OR9Q1: variants seen among roughly 807,000 people sequenced by gnomAD.
The protein encoded by OR9Q1 is olfactory receptor 9Q1.
For synonymous variants in OR9Q1, 153 were observed against 148.6 expected (o/e 1.03, Z -0.22); for missense variants, 374 against 378.8 (o/e 0.99, Z 0.11).
chr11:58,078,894 C>T (rs1451785695), intron 2 of OR9Q1, among the ~76,000 whole-genome samples: 1 of 152,160 alleles, frequency 6.6e-6, no homozygotes, highest in Admixed American at 6.6e-5. Flanking sequence ...CTGAGAATCT[C>T]AGAATTGGAA....
chr11:58,109,099 G>A (rs1853871782), intron 2 of OR9Q1: 1 of 491,834 alleles, frequency 2.0e-6, no homozygotes, highest in Non-Finnish European at 4.1e-6. Flanking sequence ...GCTGCTGCAG[G>A]CGAGCTTCAG....
chr11:58,092,107 G>A (rs1035313860), intron 2 of OR9Q1, among the ~76,000 whole-genome samples: 1 of 152,030 alleles, frequency 6.6e-6, no homozygotes, highest in East Asian at 1.9e-4. Context: ...CAATTTGCCA[G>A]TCTGTGTCTC....
intron 2 of OR9Q1, among the ~76,000 whole-genome samples, chr11:58,138,584 T>C (rs1200955604): frequency 6.6e-6 from 1 of 152,220 alleles, no homozygotes; most frequent in Admixed American, 6.5e-5. Context: ...TTAAATTGTA[T>C]TTTTTCTTCT....
chr11:58,093,722 T>C (rs1853704989), intron 2 of OR9Q1, among the ~76,000 whole-genome samples: 1 of 129,072 alleles, frequency 7.7e-6, no homozygotes, highest in South Asian at 2.4e-4. Context: ...ATCACACCAT[T>C]GCACTCCAGC....
At chr11:58,150,155 C>T (rs1255194497) in intron 2 of OR9Q1, among the ~76,000 whole-genome samples, 1 of 152,116 alleles carries the variant, frequency 6.6e-6, no homozygotes, top group African/African-American at 2.4e-5. Flanking sequence ...AATAGCTATT[C>T]TAATGGGTAT....
At chr11:58,036,321 C>T (rs1284055089) in intron 1 of OR9Q1, among the ~76,000 whole-genome samples, 1 of 152,158 alleles carries the variant, frequency 6.6e-6, no homozygotes, top group African/African-American at 2.4e-5. Flanking sequence ...AATAGTTCTT[C>T]CAAAATATTA....
chr11:58,139,911 G>T (rs1352202226), intron 2 of OR9Q1, among the ~76,000 whole-genome samples: 1 of 151,786 alleles, frequency 6.6e-6, no homozygotes, highest in Admixed American at 6.6e-5. Context: ...CAGTGTAAAA[G>T]TGTTCCTATT....
At chr11:58,178,904 A>ATATT (rs1565098190) in intron 2 of OR9Q1, among the ~76,000 whole-genome samples, 3 of 137,794 alleles carry the variant, frequency 2.2e-5, no homozygotes, top group Non-Finnish European at 4.6e-5. Context: ...TTTATATATT[A>ATATT]TATATATTAT....
At chr11:58,132,498 T>C (rs1854150706) in intron 2 of OR9Q1, among the ~76,000 whole-genome samples, 1 of 152,212 alleles carries the variant, frequency 6.6e-6, no homozygotes, top group African/African-American at 2.4e-5. Context: ...TAAACAGAGA[T>C]AGAAAAAATA....
At chr11:58,135,735 C>G (rs947089838) in intron 2 of OR9Q1, among the ~76,000 whole-genome samples, 1 of 152,180 alleles carries the variant, frequency 6.6e-6, no homozygotes, top group Admixed American at 6.5e-5. Flanking sequence ...TTATGACTCC[C>G]CATTTTTAAA....
Position 58,118,488 on chromosome 11 carries a change from T to C in OR9Q1, c.-14-60943T>C, listed in dbSNP as rs1439441914. 2.6e-6 allele frequency: 4 copies of C among 1,541,248 alleles called. No individual in the cohort carries two copies. In the Admixed American group the frequency reaches 5.9e-5, roughly 23 times the overall value. ...GAAAGTGGACTAAAACAAGAATTCCTCTTACTTAGATCTACATGCTCAGGG... is the reference window on the plus strand; with the variant it reads ...GAAAGTGGACTAAAACAAGAATTCCCCTTACTTAGATCTACATGCTCAGGG... On this transcript the variant is annotated intron_variant, in intron 2 of 2. Transcript: ENST00000335397.
At chr11:58,105,709 T>C (rs1853833392) in intron 2 of OR9Q1, among the ~76,000 whole-genome samples, 1 of 152,192 alleles carries the variant, frequency 6.6e-6, no homozygotes, top group Non-Finnish European at 1.5e-5. Context: ...AGATCCCTCA[T>C]AAAAGTGGAA....
chr11:58,037,719 T>A lies in OR9Q1; in HGVS notation c.-93+13615T>A, dbSNP rs1196977751. Reference sequence around the variant, plus strand: ...TTTTTTTTTTTTTTTTTTTTTTTTTTTTTTTTTTTTTTTTTTTGAGACGGA... The same window carrying A: ...TTTTTTTTTTTTTTTTTTTTTTTTTATTTTTTTTTTTTTTTTTGAGACGGA... On this transcript the variant is annotated intron_variant, in intron 1 of 2. Transcript: ENST00000335397. Among the ~76,000 whole-genome samples, 17 of 39,654 alleles carry A rather than the reference T, an allele frequency of 4.3e-4. 2 individuals carry two copies. Among genetic ancestry groups the A allele is most frequent in the African/African-American group, 1.2e-3 (13 of 10,674 alleles). 26.0% of individuals were successfully genotyped at this position (39,654 alleles called of 152,430 possible).
At chr11:58,178,904 A>ATATATTTATATATTATATATT (rs1486955007) in intron 2 of OR9Q1, among the ~76,000 whole-genome samples, 1 of 137,794 alleles carries the variant, frequency 7.3e-6, no homozygotes, top group Non-Finnish European at 1.5e-5. Flanking sequence ...TTTATATATT[A>ATATATTTATATATTATATATT]TATATATTAT....
At chr11:58,140,444 A>G (rs528709164) in intron 2 of OR9Q1, among the ~76,000 whole-genome samples, 1 of 152,238 alleles carries the variant, frequency 6.6e-6, no homozygotes, top group African/African-American at 2.4e-5. Flanking sequence ...TCTTTAATTC[A>G]TCTTGAATTA....
intron 2 of OR9Q1, among the ~76,000 whole-genome samples, chr11:58,176,513 G>A (rs1385537850): frequency 6.6e-6 from 1 of 152,172 alleles, no homozygotes; most frequent in Non-Finnish European, 1.5e-5. Flanking sequence ...CACAGGAAGA[G>A]GCTGTTCCCC....
chr11:58,083,894 A>T (rs1044917905), intron 2 of OR9Q1, among the ~76,000 whole-genome samples: 1 of 151,896 alleles, frequency 6.6e-6, no homozygotes, highest in African/African-American at 2.4e-5. Flanking sequence ...GGGTAGTGTT[A>T]TGTCTCCAGC....
intron 2 of OR9Q1, among the ~76,000 whole-genome samples, chr11:58,056,405 C>T (rs535942792): frequency 6.6e-6 from 1 of 152,222 alleles, no homozygotes; most frequent in South Asian, 2.1e-4. Flanking sequence ...AAACTACTGC[C>T]TGTAGACTAA....
chr11:58,137,408 C>T (rs1274376247), intron 2 of OR9Q1, among the ~76,000 whole-genome samples: 1 of 152,102 alleles, frequency 6.6e-6, no homozygotes, highest in Non-Finnish European at 1.5e-5. Context: ...TTCTACCCTC[C>T]CATCCCTGCA....
Sources: gnomAD v4.1 joint callset for allele counts (sites outside exome capture counted in the v4.1 genomes callset) on GRCh38, gnomAD v4.1.1 for gene constraint, MANE v1.5 for transcripts, NCBI Gene and HGNC (gene_info 2026-07-23, HGNC 2026-07-21) for gene names.